Variants in CCDC178 observed in about 807,000 individuals in gnomAD.
CCDC178 encodes coiled-coil domain containing 178.
Under a neutral mutation model 117.4 loss-of-function variants are expected in CCDC178, and 126 were observed. The ratio of observed to expected loss-of-function variants is 1.07; its 90% CI spans 0.93 to 1.24. CCDC178 has a LOEUF of 1.24. Among genes scored for constraint, CCDC178 ranks in the 50% most tolerant of loss-of-function variants. CCDC178 has a pLI of 0.00. For synonymous variants in CCDC178, 283 were observed against 313.4 expected, an observed-to-expected ratio of 0.90 and a Z score of 1.02; for missense variants, 1,030 against 986.9, an observed-to-expected ratio of 1.04 and a Z score of -0.59.
intron 11 of CCDC178, among the ~76,000 whole-genome samples, chr18:33,320,087 A>G (rs1382224308): frequency 6.6e-6 from 1 of 152,138 alleles, no homozygotes; most frequent in South Asian, 2.1e-4. Flanking sequence ...TTGATGGGAC[A>G]TATCTCAAAA....
chr18:33,344,854 CAT>C (rs1196214409), intron 9 of CCDC178, among the ~76,000 whole-genome samples: 1,131 of 100,742 alleles, frequency 0.011, 7 homozygotes, highest in African/African-American at 0.021. Flanking sequence ...CACACACACA[CAT>C]ATATTTATAA....
chr18:33,106,007 C>T (rs1022893926), intron 20 of CCDC178, among the ~76,000 whole-genome samples: 16 of 151,640 alleles, frequency 1.1e-4, no homozygotes, highest in African/African-American at 1.9e-4. Context: ...AATACAAATG[C>T]AGCATTTGAA....
intron 20 of CCDC178, among the ~76,000 whole-genome samples, chr18:33,177,890 T>TC (rs2058682167): frequency 1.3e-5 from 2 of 152,150 alleles, no homozygotes; most frequent in South Asian, 2.1e-4. Flanking sequence ...CTTCCTTTTT[T>TC]CCCACAACTT....
chr18:33,335,423 C>A (rs965497034), intron 9 of CCDC178, among the ~76,000 whole-genome samples: 2 of 151,710 alleles, frequency 1.3e-5, no homozygotes, highest in African/African-American at 4.8e-5. Context: ...GATTTTTGTT[C>A]CAAAGAGTCA....
chr18:33,119,889 C>T (rs1018395456), intron 20 of CCDC178, among the ~76,000 whole-genome samples: 2 of 152,148 alleles, frequency 1.3e-5, no homozygotes, highest in South Asian at 2.1e-4. Flanking sequence ...TTTGTAGGGA[C>T]GTGGATGAAG....
At chr18:33,249,908 T>C (rs1393772913) in intron 14 of CCDC178, among the ~76,000 whole-genome samples, 2 of 152,050 alleles carry the variant, frequency 1.3e-5, no homozygotes, top group African/African-American at 2.4e-5. Flanking sequence ...GAGCATGGAA[T>C]GTTCTTCCAT....
At chr18:33,322,460 G>A (rs1480742066) in intron 11 of CCDC178, among the ~76,000 whole-genome samples, 1 of 151,710 alleles carries the variant, frequency 6.6e-6, no homozygotes, top group African/African-American at 2.4e-5. Flanking sequence ...TACACAAGGA[G>A]TACATGCCAA....
At chr18:33,348,115 C>T (rs1002104521) in intron 8 of CCDC178, among the ~76,000 whole-genome samples, 10 of 151,748 alleles carry the variant, frequency 6.6e-5, no homozygotes, top group African/African-American at 2.4e-4. Context: ...GATTAAGGTC[C>T]TCGTTTTCAC....
intron 11 of CCDC178, among the ~76,000 whole-genome samples, chr18:33,310,023 C>T (rs184937154): frequency 2.1e-4 from 32 of 151,512 alleles, no homozygotes; most frequent in Admixed American, 3.3e-4. Flanking sequence ...GGCTGGAGTG[C>T]AGTGGCGCCA....
At chr18:33,380,982 C>A (rs370475292) in intron 5 of CCDC178, among the ~76,000 whole-genome samples, 1 of 4,044 alleles carries the variant, frequency 2.5e-4, no homozygotes, top group East Asian at 0.17. Context: ...TCCATTTAAC[C>A]TCTTTTCTTT....
intron 2 of CCDC178, among the ~76,000 whole-genome samples, chr18:33,435,398 C>A (rs1396532849): frequency 6.6e-6 from 1 of 152,070 alleles, no homozygotes; most frequent in African/African-American, 2.4e-5. Context: ...CATGTAAGCA[C>A]CATATCCTCA....
chr18:33,119,023 A>C (rs2057898486), intron 20 of CCDC178, among the ~76,000 whole-genome samples: 2 of 152,214 alleles, frequency 1.3e-5, no homozygotes, highest in Admixed American at 6.5e-5. Context: ...CTTACACCTT[A>C]TACAAAAATT....
chr18:33,365,643 A>G (rs897557271), intron 6 of CCDC178, among the ~76,000 whole-genome samples: 1 of 151,980 alleles, frequency 6.6e-6, no homozygotes, highest in Non-Finnish European at 1.5e-5. Flanking sequence ...ATTTTGTACA[A>G]TATATTGTTA....
At chr18:33,086,481 G>C (rs1040818459) in intron 21 of CCDC178, among the ~76,000 whole-genome samples, 1 of 150,232 alleles carries the variant, frequency 6.7e-6, no homozygotes, top group Admixed American at 6.6e-5. Context: ...GAGAGAGAGA[G>C]AATAATATTT....
chr18:33,119,597 C>T (rs1198198724), intron 20 of CCDC178, among the ~76,000 whole-genome samples: 3 of 152,150 alleles, frequency 2.0e-5, no homozygotes, highest in African/African-American at 4.8e-5. Context: ...GGACTGCAAA[C>T]TAGTTCAACC....
intron 7 of CCDC178, among the ~76,000 whole-genome samples, chr18:33,349,483 T>C (rs1162025079): frequency 6.6e-6 from 1 of 151,970 alleles, no homozygotes; most frequent in Non-Finnish European, 1.5e-5. Context: ...TAGAAAGTTC[T>C]ACTGGACAAC....
chr18:32,997,749 T>G (rs1471649898), intron 21 of CCDC178, among the ~76,000 whole-genome samples: 1 of 152,164 alleles, frequency 6.6e-6, no homozygotes, highest in African/African-American at 2.4e-5. Context: ...TATGTTTTTT[T>G]ATTGGCTCTG....
At chr18:33,122,506 T>C (rs2057950259) in intron 20 of CCDC178, among the ~76,000 whole-genome samples, 1 of 152,084 alleles carries the variant, frequency 6.6e-6, no homozygotes, top group Admixed American at 6.6e-5. Flanking sequence ...AGATAATCTA[T>C]ATAAAGGCAA....
chr18:32,991,835 T>A (rs7239536), intron 21 of CCDC178, among the ~76,000 whole-genome samples: 2,014 of 152,348 alleles, frequency 0.013, 42 homozygotes, highest in African/African-American at 0.045. Context: ...TATTTCATAT[T>A]TTAATGCTCC....
Sources: allele counts gnomAD v4.1 joint callset (sites outside exome capture counted in the v4.1 genomes callset), GRCh38; gene constraint gnomAD v4.1.1; transcripts MANE v1.5; gene names NCBI Gene and HGNC (gene_info 2026-07-23, HGNC 2026-07-21).